MAP4K4: variants seen among roughly 807,000 people sequenced by gnomAD.
MAP4K4 encodes mitogen-activated protein kinase kinase kinase kinase 4.
A neutral mutation model predicts 189.6 loss-of-function variants in MAP4K4; 38 were observed. That is an observed-to-expected ratio of 0.20 (90% CI 0.15 to 0.26). The LOEUF is 0.26. MAP4K4 is among the 10% of genes least tolerant of loss of function. MAP4K4 has a pLI of 1.00. For missense variants in MAP4K4, 1,054 were observed against 1,726.9 expected, an observed-to-expected ratio of 0.61 and a Z score of 6.91; for synonymous variants, 610 against 624.3, an observed-to-expected ratio of 0.98 and a Z score of 0.34.
At chr2:101,882,415 T>C in intron 27 of MAP4K4, 136 bp from the exon 28 acceptor site, 2 of 562,078 alleles carry the variant, frequency 3.6e-6, no homozygotes, top group Non-Finnish European at 5.8e-6. Context: ...GTGGTACACA[T>C]CTCCAACTTG....
At chr2:101,817,636 G>A (rs974800282) in intron 3 of MAP4K4, among the ~76,000 whole-genome samples, 2 of 152,272 alleles carry the variant, frequency 1.3e-5, no homozygotes, top group East Asian at 1.9e-4. Context: ...CAGAGGGCGC[G>A]CTGGGGGCTT....
At chr2:101,779,313 C>T (rs2086043589) in intron 2 of MAP4K4, among the ~76,000 whole-genome samples, 1 of 152,110 alleles carries the variant, frequency 6.6e-6, no homozygotes, top group African/African-American at 2.4e-5. Context: ...TGCATGGCCT[C>T]ATTATGCAGA....
intron 3 of MAP4K4, chr2:101,797,437 C>G: frequency 1.6e-6 from 2 of 1,262,070 alleles, no homozygotes; most frequent in Non-Finnish European, 2.1e-6. Context: ...CCTGCACCGC[C>G]CCCTCCCTCC....
At chr2:101,789,708 G>A (rs901377612) in intron 2 of MAP4K4, among the ~76,000 whole-genome samples, 1 of 152,176 alleles carries the variant, frequency 6.6e-6, no homozygotes, top group African/African-American at 2.4e-5. Flanking sequence ...GTTGCAGAAG[G>A]ACCGTTTCTC....
At chr2:101,781,949 A>C (rs1459401615) in intron 2 of MAP4K4, among the ~76,000 whole-genome samples, 1 of 152,176 alleles carries the variant, frequency 6.6e-6, no homozygotes, top group African/African-American at 2.4e-5. Flanking sequence ...TGACTGAACA[A>C]GCATGCAGAG....
intron 1 of MAP4K4, 66 bp from the exon 2 acceptor site, chr2:101,698,407 C>T (rs2035841105): frequency 2.8e-6 from 4 of 1,411,174 alleles, no homozygotes; most frequent in Admixed American, 1.7e-5. Flanking sequence ...CTCCAACTGC[C>T]TTGCTTGATT....
rs141354483 is a variant in MAP4K4 at position 101,712,544 on chromosome 2, G to T, written c.123+14006G>T. On this transcript the variant is annotated intron_variant, in intron 2 of 32. Coordinates refer to ENST00000324219, the Ensembl canonical transcript of MAP4K4. ...AGACAGTATCTCCCTCTGTCACCCAGGCTGGAGTGCAGTAGCATGATCTTG... is the reference window on the plus strand; with the variant it reads ...AGACAGTATCTCCCTCTGTCACCCATGCTGGAGTGCAGTAGCATGATCTTG... 6.6e-3 allele frequency among the ~76,000 whole-genome samples: 1,007 copies of T among 151,654 alleles called. 7 individuals carry two copies. Among genetic ancestry groups the T allele is most frequent in the South Asian group, 0.014 (68 of 4,788 alleles).
rs2035879213 is a variant in MAP4K4 at position 101,698,437 on chromosome 2, T to A, written c.58-36T>A. ...TTGATTTATTCATTTTTTTGGCTTC[T>A]TTTAAATGATAACCCCTCCCCTCCT... is the stretch of plus-strand genomic sequence containing the variant. On this transcript the variant is annotated intron_variant, in intron 1 of 32. Transcript: ENST00000324219. 3.2e-6 allele frequency: 5 copies of A among 1,579,848 alleles called. No individual in the cohort carries two copies. In the African/African-American group the frequency reaches 4.0e-5, roughly 13 times the overall value.
exon 10 of MAP4K4, chr2:101,839,870 G>C (rs1321149450): frequency 1.7e-5 from 27 of 1,610,360 alleles, no homozygotes; most frequent in Non-Finnish European, 2.3e-5. Flanking sequence ...AGAATTACAT[G>C]CAGCGGCCCT....
chr2:101,739,784 ATTAT>A (rs1435943606), intron 2 of MAP4K4, among the ~76,000 whole-genome samples: 1 of 152,210 alleles, frequency 6.6e-6, no homozygotes, highest in Non-Finnish European at 1.5e-5. Context: ...TTCAGCCAAC[ATTAT>A]TTGAGTAGTC....
intron 10 of MAP4K4, among the ~76,000 whole-genome samples, chr2:101,841,698 A>G (rs2096923369): frequency 6.6e-6 from 1 of 151,940 alleles, no homozygotes; most frequent in Non-Finnish European, 1.5e-5. Flanking sequence ...TGAACCCCTG[A>G]TCTCGTGATC....
At chr2:101,851,724 C>CTTTTTTTTTTTTTTT (rs36217584) in intron 12 of MAP4K4, among the ~76,000 whole-genome samples, 5 of 67,908 alleles carry the variant, frequency 7.4e-5, no homozygotes, top group African/African-American at 1.5e-4. Flanking sequence ...TAACTGTCCT[C>CTTTTTTTTTTTTTTT]TTTTTTTTTT....
At position 101,834,480 on chromosome 2, in the gene MAP4K4, T is replaced by C; in HGVS notation, c.694+17T>C. The C allele has an allele frequency of 6.3e-7, 1 of 1,594,222 alleles. No homozygotes were observed. The highest frequency in any genetic ancestry group is 8.6e-7 in the Non-Finnish European group (1 of 1,167,366). On this transcript the variant is annotated intron_variant, in intron 8 of 32. Transcript: ENST00000324219. ...GTGCTCCCCGTAAGTAACTTTCTTT[T>C]CTTTTTAGCTCACTTGTTACATGTG... is the stretch of plus-strand genomic sequence containing the variant.
chr2:101,855,881 T>C, intron 12 of MAP4K4, 96 bp from the exon 13 acceptor site: 2 of 1,233,418 alleles, frequency 1.6e-6, no homozygotes, highest in South Asian at 3.2e-5. Flanking sequence ...CCTCACCTCA[T>C]TAGTGTCCAC....
chr2:101,845,723 G>T (rs1291288174), intron 12 of MAP4K4, among the ~76,000 whole-genome samples: 2 of 152,214 alleles, frequency 1.3e-5, no homozygotes, highest in Non-Finnish European at 2.9e-5. Context: ...TTCACTTGGG[G>T]ATCAGAAGAG....
exon 23 of MAP4K4, chr2:101,870,343 G>A: frequency 6.2e-7 from 1 of 1,613,578 alleles, no homozygotes; most frequent in African/African-American, 1.3e-5. Flanking sequence ...TGAAAACCAT[G>A]ATTGTCCATG....
At chr2:101,730,160 C>T (rs2057772925) in intron 2 of MAP4K4, among the ~76,000 whole-genome samples, 1 of 152,182 alleles carries the variant, frequency 6.6e-6, no homozygotes, top group Non-Finnish European at 1.5e-5. Flanking sequence ...GTATGTGAAA[C>T]CTTTTTTCAT....
intron 2 of MAP4K4, among the ~76,000 whole-genome samples, chr2:101,769,442 C>T (rs915631902): frequency 3.3e-5 from 5 of 152,012 alleles, no homozygotes; most frequent in African/African-American, 9.7e-5. Flanking sequence ...GATAAGTTAA[C>T]GGGAGTGGGG....
chr2:101,889,025 G>C, intron 32 of MAP4K4, 90 bp downstream of exon 32: 2 of 1,186,824 alleles, frequency 1.7e-6, no homozygotes, highest in Non-Finnish European at 2.3e-6. Context: ...TTTCCTTGGA[G>C]TTTTGATAAA....
Sources: allele counts gnomAD v4.1 joint callset (sites outside exome capture counted in the v4.1 genomes callset), GRCh38; gene constraint gnomAD v4.1.1; transcripts MANE v1.5; gene names NCBI Gene and HGNC (gene_info 2026-07-23, HGNC 2026-07-21).